The following DCC variants were observed in gnomAD, a reference collection of about 807,000 sequenced individuals.
DCC encodes netrin receptor DCC.
In DCC, 58 loss-of-function variants were observed where a neutral mutation model predicts 172.5. The ratio of observed to expected loss-of-function variants is 0.34; its 90% CI spans 0.27 to 0.42. The LOEUF (loss-of-function observed/expected upper bound fraction) is 0.42. Ranked by LOEUF, DCC falls within the 10% of genes least tolerant of loss-of-function variation. The pLI is 1.00. For missense variants in DCC, 1,740 were observed against 1,791.0 expected, an observed-to-expected ratio of 0.97 and a Z score of 0.51; for synonymous variants, 709 against 644.5, an observed-to-expected ratio of 1.10 and a Z score of -1.52.
chr18:52,784,186 T>C (rs944443658), intron 2 of DCC, among the ~76,000 whole-genome samples: 1 of 152,050 alleles, frequency 6.6e-6, no homozygotes, highest in Non-Finnish European at 1.5e-5. Context: ...CAATATCTGT[T>C]TCTGTGCCTG....
chr18:52,387,639 C>A (rs1985865589), intron 1 of DCC, among the ~76,000 whole-genome samples: 1 of 143,078 alleles, frequency 7.0e-6, no homozygotes, highest in Non-Finnish European at 1.5e-5. Context: ...TCCTTCTGTC[C>A]TTCCAGCTTT....
chr18:52,915,624 A>C (rs1327609094), intron 3 of DCC, among the ~76,000 whole-genome samples: 1 of 152,142 alleles, frequency 6.6e-6, no homozygotes, highest in African/African-American at 2.4e-5. Flanking sequence ...GTGTCAGGTT[A>C]TATGATCCAT....
intron 9 of DCC, among the ~76,000 whole-genome samples, chr18:53,194,495 T>C (rs778414621): frequency 2.2e-4 from 33 of 151,720 alleles, no homozygotes; most frequent in Non-Finnish European, 4.4e-4. Flanking sequence ...TTAGATGGAG[T>C]CTTGCTCTGT....
intron 5 of DCC, among the ~76,000 whole-genome samples, chr18:53,041,411 A>T (rs2042167294): frequency 6.6e-6 from 1 of 152,094 alleles, no homozygotes; most frequent in South Asian, 2.1e-4. Context: ...TGTTTTGGTT[A>T]CTGTAGCCTT....
rs369426007 is a variant in DCC at position 53,446,124 on chromosome 18, A to AAAAAAAAAAAAAAAAAAC, written c.3230-4376_3230-4375insAAAAAAAAAAAAAAAAAC. Among the ~76,000 whole-genome samples, 87 of 117,276 alleles carry AAAAAAAAAAAAAAAAAAC rather than the reference A, an allele frequency of 7.4e-4. 12 individuals are homozygous for AAAAAAAAAAAAAAAAAAC. The highest frequency in any genetic ancestry group is 1.2e-3 in the Non-Finnish European group (66 of 54,388). The allele number at this position is 117,276 out of a possible 152,430, so 76.9% of individuals were successfully genotyped here. On this transcript the variant is annotated intron_variant, in intron 22 of 28. Coordinates refer to ENST00000442544, the MANE Select transcript of DCC (RefSeq NM_005215.4). ...AAAAAAAAAAAAAAAACAAAAAAAA[A>AAAAAAAAAAAAAAAAAAC]CACTTAAAAATTTTCCAGGGATGGT...
At chr18:52,922,676 A>G (rs1396839533) in intron 3 of DCC, among the ~76,000 whole-genome samples, 1 of 152,150 alleles carries the variant, frequency 6.6e-6, no homozygotes, top group African/African-American at 2.4e-5. Context: ...TGTCTCAAAT[A>G]AACTTTGAGT....
intron 1 of DCC, among the ~76,000 whole-genome samples, chr18:52,723,481 A>G (rs145417764): frequency 2.6e-5 from 4 of 152,298 alleles, no homozygotes; most frequent in African/African-American, 9.6e-5. Flanking sequence ...TAAAGGAGGA[A>G]AACCTAGAAA....
chr18:52,990,258 C>G (rs755530541), intron 5 of DCC, among the ~76,000 whole-genome samples: 22 of 151,866 alleles, frequency 1.4e-4, no homozygotes, highest in Non-Finnish European at 3.1e-4. Flanking sequence ...ATAAGCAAAG[C>G]GGGCAGGCGC....
chr18:52,522,070 G>T (rs1393094570), intron 1 of DCC, among the ~76,000 whole-genome samples: 2 of 152,138 alleles, frequency 1.3e-5, no homozygotes. Flanking sequence ...TGACTTAGTT[G>T]AAAAACTGAG....
chr18:52,639,756 T>A (rs2144897365), intron 1 of DCC, among the ~76,000 whole-genome samples: 1 of 152,172 alleles, frequency 6.6e-6, no homozygotes, highest in East Asian at 1.9e-4. Context: ...CAGGACCAGA[T>A]GGATTCACAC....
chr18:52,354,843 C>T (rs1984288869), intron 1 of DCC, among the ~76,000 whole-genome samples: 3 of 152,138 alleles, frequency 2.0e-5, no homozygotes, highest in Non-Finnish European at 4.4e-5. Context: ...TCTCTCTCCC[C>T]TTCTTTTGCC....
intron 1 of DCC, among the ~76,000 whole-genome samples, chr18:52,541,826 G>A (rs1268559057): frequency 7.0e-6 from 1 of 142,146 alleles, no homozygotes. Context: ...TCCTTGTATG[G>A]CATCTAGACA....
At chr18:52,409,349 A>G (rs921919740) in intron 1 of DCC, 1 of 152,184 alleles carries the variant, frequency 6.6e-6, no homozygotes, top group South Asian at 2.1e-4. Flanking sequence ...ATTCATCATA[A>G]TAACTTGTGT....
intron 1 of DCC, among the ~76,000 whole-genome samples, chr18:52,735,099 A>G (rs2036704826): frequency 6.6e-6 from 1 of 152,134 alleles, no homozygotes. Context: ...GATGATACAG[A>G]TGTTCTAATT....
intron 25 of DCC, among the ~76,000 whole-genome samples, chr18:53,476,770 T>C (rs1269221279): frequency 6.6e-6 from 1 of 152,152 alleles, no homozygotes; most frequent in Non-Finnish European, 1.5e-5. Flanking sequence ...AATGTGTTAT[T>C]TCTTGTTCTG....
chr18:53,201,469 T>C (rs572056114), intron 9 of DCC, among the ~76,000 whole-genome samples: 4 of 152,194 alleles, frequency 2.6e-5, no homozygotes, highest in Non-Finnish European at 5.9e-5. Flanking sequence ...AATGTTCTCG[T>C]TCCTTTCTCT....
chr18:53,508,305 G>C (rs560509938), intron 27 of DCC, among the ~76,000 whole-genome samples: 5 of 151,908 alleles, frequency 3.3e-5, no homozygotes, highest in African/African-American at 1.2e-4. Flanking sequence ...TTATCCTCTC[G>C]CCTCAGCTTC....
chr18:52,706,323 T>C (rs917189795), intron 1 of DCC, among the ~76,000 whole-genome samples: 5 of 152,230 alleles, frequency 3.3e-5, no homozygotes, highest in Non-Finnish European at 7.3e-5. Context: ...ACAATTGTCC[T>C]CTAGCTTTTC....
At chr18:52,714,544 G>A (rs2036346676) in intron 1 of DCC, among the ~76,000 whole-genome samples, 1 of 152,154 alleles carries the variant, frequency 6.6e-6, no homozygotes, top group Non-Finnish European at 1.5e-5. Flanking sequence ...GCTATATTGG[G>A]AAAAAGAACA....
Sources: gnomAD v4.1 joint callset for allele counts (sites outside exome capture counted in the v4.1 genomes callset) on GRCh38, gnomAD v4.1.1 for gene constraint, MANE v1.5 for transcripts, NCBI Gene and HGNC (gene_info 2026-07-23, HGNC 2026-07-21) for gene names.